APBB1IP: variants seen among roughly 807,000 people sequenced by gnomAD.
The protein encoded by APBB1IP is amyloid beta A4 precursor protein-binding family B member 1-interacting protein.
Under a neutral mutation model 64.9 loss-of-function variants are expected in APBB1IP, and 27 were observed. The ratio of observed to expected loss-of-function variants is 0.42; its 90% CI spans 0.31 to 0.57. The LOEUF (loss-of-function observed/expected upper bound fraction) is 0.57, where lower values mean the gene tolerates loss of function less well. Ranked by LOEUF, APBB1IP falls within the 20% of genes least tolerant of loss-of-function variation. APBB1IP has a pLI of 0.20. For missense variants in APBB1IP, 812 were observed against 845.5 expected (o/e 0.96, Z 0.49); for synonymous variants, 392 against 331.0 (o/e 1.18, Z -2.00).
At chr10:26,537,696 G>C (rs1836642950) in intron 10 of APBB1IP, among the ~76,000 whole-genome samples, 1 of 152,174 alleles carries the variant, frequency 6.6e-6, no homozygotes, top group Non-Finnish European at 1.5e-5. Flanking sequence ...ACTTTGGGAG[G>C]CTGAGGCAAG....
chr10:26,493,587 T>C (rs893504843), intron 3 of APBB1IP, among the ~76,000 whole-genome samples: 1 of 152,194 alleles, frequency 6.6e-6, no homozygotes, highest in Admixed American at 6.5e-5. Context: ...CCCTGAAGAT[T>C]GGCAACATTA....
chr10:26,456,633 G>T (rs949398597), intron 2 of APBB1IP, among the ~76,000 whole-genome samples: 2 of 151,570 alleles, frequency 1.3e-5, no homozygotes, highest in African/African-American at 4.9e-5. Flanking sequence ...CAGCTACTCA[G>T]GAGGCTGAGG....
At chr10:26,503,914 G>A (rs1836137791) in intron 6 of APBB1IP, among the ~76,000 whole-genome samples, 1 of 152,148 alleles carries the variant, frequency 6.6e-6, no homozygotes, top group Non-Finnish European at 1.5e-5. Flanking sequence ...GAAAGGAAAG[G>A]GCCTTTGGCT....
chr10:26,461,582 C>G (rs187865983), intron 2 of APBB1IP, among the ~76,000 whole-genome samples: 2 of 151,700 alleles, frequency 1.3e-5, no homozygotes, highest in Admixed American at 1.3e-4. Context: ...TGAGAGTCAA[C>G]TTGCTGACTT....
At position 26,477,455 on chromosome 10, in the gene APBB1IP, T is replaced by C. The variant is rs143439491; in HGVS notation, c.1-14872T>C. Among the ~76,000 whole-genome samples the C allele has an allele frequency of 1.7e-3, 265 of 152,350 alleles. 2 individuals are homozygous for C. The highest frequency in any genetic ancestry group is 5.8e-3 in the African/African-American group (242 of 41,584). ...AGTTTGACTTTGCAGAGTGGAATGA[T>C]ACTTCAAGTGAATACCATGTTCTCC... On this transcript the variant is annotated intron_variant, in intron 2 of 14. Transcript: ENST00000376236.
intron 11 of APBB1IP, among the ~76,000 whole-genome samples, chr10:26,552,642 AAAGG>A (rs1050457725): frequency 1.6e-4 from 25 of 152,074 alleles, no homozygotes; most frequent in African/African-American, 5.3e-4. Context: ...AAGAAAAAAA[AAAGG>A]AAGGATAAGA....
chr10:26,487,622 A>G (rs1255810890), intron 2 of APBB1IP, among the ~76,000 whole-genome samples: 1 of 152,150 alleles, frequency 6.6e-6, no homozygotes, highest in Admixed American at 6.6e-5. Flanking sequence ...CACCAGATGA[A>G]TGCAGGGAGA....
At chr10:26,527,685 CTTTTTTTTTTTT>C (rs768509910) in intron 8 of APBB1IP, among the ~76,000 whole-genome samples, 1 of 68,626 alleles carries the variant, frequency 1.5e-5, no homozygotes, top group African/African-American at 7.1e-5. Context: ...AGGTCCATGT[CTTTTTTTTTTTT>C]TTTTTTTTTT....
chr10:26,511,351 T>G (rs1836257212), intron 6 of APBB1IP, among the ~76,000 whole-genome samples: 1 of 152,024 alleles, frequency 6.6e-6, no homozygotes, highest in Non-Finnish European at 1.5e-5. Context: ...CTCAAAATAA[T>G]AATAATAATA....
chr10:26,502,577 G>A (rs891596877), intron 5 of APBB1IP, among the ~76,000 whole-genome samples: 2 of 151,642 alleles, frequency 1.3e-5, no homozygotes, highest in Admixed American at 1.3e-4. Flanking sequence ...AGGAGGCGGA[G>A]CTTGTAGTGA....
chr10:26,562,079 C>T (rs1465731933), intron 13 of APBB1IP: 1 of 401,504 alleles, frequency 2.5e-6, no homozygotes, highest in Non-Finnish European at 4.7e-6. Flanking sequence ...CCTTCCTGAT[C>T]TTTTTGCTGA....
intron 14 of APBB1IP, among the ~76,000 whole-genome samples, chr10:26,565,891 G>T (rs1444842899): frequency 6.6e-6 from 1 of 152,120 alleles, no homozygotes; most frequent in East Asian, 1.9e-4. Flanking sequence ...AAGAGGTTGG[G>T]AACTACTCTG....
intron 2 of APBB1IP, among the ~76,000 whole-genome samples, chr10:26,454,120 C>A (rs1835495316): frequency 6.6e-6 from 1 of 152,202 alleles, no homozygotes; most frequent in Non-Finnish European, 1.5e-5. Context: ...ACAAACATGG[C>A]ATGTTCTCAC....
intron 10 of APBB1IP, among the ~76,000 whole-genome samples, chr10:26,538,443 C>G (rs968627098): frequency 1.3e-5 from 2 of 151,694 alleles, no homozygotes; most frequent in African/African-American, 4.8e-5. Context: ...GAGTTTGAGA[C>G]CAGCCTGTCC....
At chr10:26,525,584 C>T (rs964242594) in intron 8 of APBB1IP, among the ~76,000 whole-genome samples, 10 of 152,098 alleles carry the variant, frequency 6.6e-5, no homozygotes, top group Non-Finnish European at 1.3e-4. Context: ...ATAAAGGCAG[C>T]TTTAGTTTAG....
At chr10:26,493,117 T>C (rs1835977931) in intron 3 of APBB1IP, among the ~76,000 whole-genome samples, 1 of 152,206 alleles carries the variant, frequency 6.6e-6, no homozygotes. Context: ...CTTACCCGTT[T>C]TCGGTAATAA....
intron 8 of APBB1IP, among the ~76,000 whole-genome samples, chr10:26,526,357 T>C (rs1320345783): frequency 1.3e-5 from 2 of 152,248 alleles, no homozygotes; most frequent in East Asian, 3.8e-4. Context: ...GTGCCTCAAG[T>C]AATTTCCTCA....
chr10:26,549,486 T>G (rs1434332629), intron 11 of APBB1IP, among the ~76,000 whole-genome samples: 1 of 152,138 alleles, frequency 6.6e-6, no homozygotes, highest in Non-Finnish European at 1.5e-5. Context: ...CAGCTTCAAT[T>G]TCATTACTCA....
At chr10:26,449,411 G>A (rs1350118332) in intron 2 of APBB1IP, among the ~76,000 whole-genome samples, 2 of 152,068 alleles carry the variant, frequency 1.3e-5, no homozygotes, top group African/African-American at 4.8e-5. Flanking sequence ...TGATGATGAT[G>A]ATGAGGATGA....
Sources: gnomAD v4.1 joint callset for allele counts (sites outside exome capture counted in the v4.1 genomes callset) on GRCh38, gnomAD v4.1.1 for gene constraint, MANE v1.5 for transcripts, NCBI Gene and HGNC (gene_info 2026-07-23, HGNC 2026-07-21) for gene names.